PFKM: variants seen among roughly 807,000 people sequenced by gnomAD.
The protein encoded by PFKM is phosphofructokinase, muscle, also known as ATP-dependent 6-phosphofructokinase, muscle type.
A neutral mutation model predicts 95.5 loss-of-function variants in PFKM; 58 were observed. The observed-to-expected ratio is 0.61, with a 90% confidence interval of 0.49 to 0.76. The LOEUF (loss-of-function observed/expected upper bound fraction) is 0.76. PFKM is among the 30% of genes least tolerant of loss of function. PFKM has a pLI of 0.00. For synonymous variants in PFKM, 336 were observed against 357.2 expected (o/e 0.94, Z 0.67); for missense variants, 678 against 1,005.4 (o/e 0.67, Z 4.40).
chr12:48,133,296 G>A lies in PFKM; in HGVS notation c.428-19G>A. 6.2e-7 allele frequency: 1 copy of A among 1,613,138 alleles called. No individual in the cohort carries two copies. The highest frequency in any genetic ancestry group is 8.5e-7 in the Non-Finnish European group (1 of 1,179,112). On this transcript the variant is annotated intron_variant, in intron 5 of 22. Transcript: ENST00000359794. The stretch of plus-strand genomic sequence containing the variant: ...CAGGTGCCTCACCCAGTGGCTCCTG[G>A]TTTGCTTCTCATTGTCAGGTAAGAT...
At chr12:48,128,448 CAT>C (rs962720409) in intron 2 of PFKM, among the ~76,000 whole-genome samples, 2 of 152,162 alleles carry the variant, frequency 1.3e-5, no homozygotes, top group African/African-American at 2.4e-5. Flanking sequence ...TAATTCTCCA[CAT>C]GTCTTGAAGA....
Position 48,130,496 on chromosome 12 carries a change from T to C in PFKM, c.159+60T>C, listed in dbSNP as rs187219134. The C allele has an allele frequency of 4.8e-6, 6 of 1,262,974 alleles. No homozygotes were observed. In the East Asian group the frequency reaches 1.2e-4, roughly 24 times the overall value. The allele number at this position is 1,262,974 out of a possible 1,614,324, so 78.2% of individuals were successfully genotyped here. On this transcript the variant is annotated intron_variant, in intron 3 of 22. Transcript: ENST00000359794. ...TCTGTCTTCTTCTAAATCTGCCTTC[T>C]ATCCCCTTCCCACATTCTGTGTCCT... is the stretch of plus-strand genomic sequence containing the variant.
intron 2 of PFKM, among the ~76,000 whole-genome samples, chr12:48,129,415 C>T (rs1186753389): frequency 2.0e-5 from 3 of 151,540 alleles, no homozygotes; most frequent in Non-Finnish European, 4.4e-5. Flanking sequence ...TTACAGTATA[C>T]TTTTTGAGTT....
chr12:48,126,255 T>TAGTC (rs1948824401), intron 2 of PFKM, among the ~76,000 whole-genome samples: 1 of 152,180 alleles, frequency 6.6e-6, no homozygotes, highest in South Asian at 2.1e-4. Context: ...CAGACTAAGC[T>TAGTC]AGTCAGGTTG....
At chr12:48,135,587 C>T (rs1452480987) in intron 10 of PFKM, among the ~76,000 whole-genome samples, 3 of 152,156 alleles carry the variant, frequency 2.0e-5, no homozygotes, top group African/African-American at 7.2e-5. Context: ...GAGACTACGC[C>T]TTCCTAATGG....
At chr12:48,107,870 A>T (rs1281239040) in intron 2 of PFKM, among the ~76,000 whole-genome samples, 1 of 152,226 alleles carries the variant, frequency 6.6e-6, no homozygotes, top group Admixed American at 6.5e-5. Flanking sequence ...ACCTCAAAGT[A>T]TCTAGTTATA....
At chr12:48,135,712 C>T (rs1950018159) in intron 10 of PFKM, among the ~76,000 whole-genome samples, 1 of 152,094 alleles carries the variant, frequency 6.6e-6, no homozygotes, top group African/African-American at 2.4e-5. Context: ...GTCCCACATA[C>T]CCTTTGCCCA....
intron 1 of PFKM, chr12:48,106,150 G>T: frequency 1.4e-6 from 1 of 702,268 alleles, no homozygotes; most frequent in Non-Finnish European, 2.6e-6. Flanking sequence ...GGCTGAAGAG[G>T]AGGGGGCTGG....
rs1175595385 is a variant in PFKM at position 48,134,219 on chromosome 12, C to CT, written c.594-12dup. 7.4e-6 allele frequency: 12 copies of CT among 1,612,508 alleles called. No individual in the cohort carries two copies. Among genetic ancestry groups the CT allele is most frequent in the Non-Finnish European group, 1.0e-5 (12 of 1,178,632 alleles). On this transcript the variant is annotated splice_polypyrimidine_tract_variant and intron_variant, in intron 6 of 22. Coordinates refer to ENST00000359794, the MANE Select transcript of PFKM (RefSeq NM_000289.6). ...GGGTCACTTGGACTGTGTCATATGT[C>CT]TATCTCTTGCAGCCACCAGAGGACA...
intron 3 of PFKM, 124 bp from the exon 4 acceptor site, chr12:48,131,192 C>G: frequency 2.7e-6 from 2 of 750,160 alleles, no homozygotes; most frequent in Non-Finnish European, 4.9e-6. Flanking sequence ...TCACGAGCAT[C>G]CAGGACTCAC....
intron 3 of PFKM, among the ~76,000 whole-genome samples, chr12:48,109,748 GAAAGGAAATC>G (rs1443580232): frequency 6.6e-6 from 1 of 152,132 alleles, no homozygotes; most frequent in African/African-American, 2.4e-5. Flanking sequence ...TCCTACTAGA[GAAAGGAAATC>G]TAATATTTTC....
At chr12:48,135,492 T>A in intron 10 of PFKM, 109 bp downstream of exon 10, 1 of 752,618 alleles carries the variant, frequency 1.3e-6, no homozygotes, top group Non-Finnish European at 2.3e-6. Context: ...CTGGTCGCAT[T>A]GCCTCTCCAC....
exon 2 of PFKM, chr12:48,107,378 A>G (rs11609399): frequency 6.3e-7 from 1 of 1,595,548 alleles, no homozygotes; most frequent in Non-Finnish European, 8.5e-7. Context: ...GCAGCCATGC[A>G]TAAAGACGAG....
At chr12:48,135,173 C>T (rs1373656112) in intron 9 of PFKM, 118 bp from the exon 10 acceptor site, 6 of 1,132,620 alleles carry the variant, frequency 5.3e-6, no homozygotes, top group East Asian at 2.4e-5. Flanking sequence ...GATTGCCTCC[C>T]ACAAAGAACC....
intron 2 of PFKM, among the ~76,000 whole-genome samples, chr12:48,129,513 A>T (rs1949235176): frequency 6.6e-6 from 1 of 152,184 alleles, no homozygotes; most frequent in Non-Finnish European, 1.5e-5. Context: ...GAACGCAGTG[A>T]GAGAATAGAG....
intron 13 of PFKM, 40 bp from the exon 14 acceptor site, chr12:48,140,682 G>T (rs1220054418): frequency 2.5e-6 from 4 of 1,611,456 alleles, no homozygotes; most frequent in Non-Finnish European, 3.4e-6. Context: ...TTCCCCTGCT[G>T]GGTTTCTGTC....
intron 1 of PFKM, among the ~76,000 whole-genome samples, chr12:48,107,189 T>A (rs1439152280): frequency 6.6e-6 from 1 of 152,186 alleles, no homozygotes; most frequent in Admixed American, 6.5e-5. Context: ...CAGGGTTTCC[T>A]CCCCTGTCAA....
Position 48,145,885 on chromosome 12 carries a change from C to A in PFKM, c.*177C>A. 1.6e-6 allele frequency: 1 copy of A among 636,498 alleles called. No individual in the cohort carries two copies. The highest frequency in any genetic ancestry group is 2.8e-5 in the East Asian group (1 of 36,318). 39.4% of individuals were successfully genotyped at this position (636,498 alleles called of 1,614,324 possible). A position where few individuals can be genotyped will look rare whatever the true frequency, so the allele number is the denominator to read the frequency against. ...AGGAGCAGGCAGTGGGTGGGAGCTCCTTTTAGGTAGAATTTAACATGACTT... is the reference window on the plus strand; with the variant it reads ...AGGAGCAGGCAGTGGGTGGGAGCTCATTTTAGGTAGAATTTAACATGACTT... On this transcript the variant is annotated 3_prime_UTR_variant, in exon 23 of 23. Transcript: ENST00000359794. The surrounding 1 kb of genome is among the most constrained non-coding windows in gnomAD (Gnocchi z 4.3).
chr12:48,105,568 A>G (rs1362087406), upstream of PFKM: 5 of 494,176 alleles, frequency 1.0e-5, no homozygotes, highest in Non-Finnish European at 2.0e-5. Context: ...GAGACGCAGA[A>G]GTAGTCAAGA....
Sources: allele counts gnomAD v4.1 joint callset (sites outside exome capture counted in the v4.1 genomes callset), GRCh38; gene constraint gnomAD v4.1.1; non-coding constraint Gnocchi (gnomAD v3.1); transcripts MANE v1.5; gene names NCBI Gene and HGNC (gene_info 2026-07-23, HGNC 2026-07-21).